Variants in STXBP4 observed in about 807,000 individuals in gnomAD.
The protein encoded by STXBP4 is syntaxin-binding protein 4.
A neutral mutation model predicts 76.1 loss-of-function variants in STXBP4; 55 were observed. The ratio of observed to expected loss-of-function variants is 0.72; its 90% CI spans 0.58 to 0.91. STXBP4 has a LOEUF of 0.91. Among genes scored for constraint, STXBP4 ranks in the 40% least tolerant of loss-of-function variants. The pLI, the probability that STXBP4 is intolerant of heterozygous loss-of-function variation, is 0.00. For synonymous variants in STXBP4, 201 were observed against 220.2 expected (o/e 0.91, Z 0.77); for missense variants, 618 against 636.9 (o/e 0.97, Z 0.32).
intron 8 of STXBP4, among the ~76,000 whole-genome samples, chr17:55,021,039 A>G (rs2078301913): frequency 6.6e-6 from 1 of 152,026 alleles, no homozygotes; most frequent in African/African-American, 2.4e-5. Context: ...GAGGAAAAAT[A>G]TTTTTTCTTC....
At chr17:55,146,233 A>T (rs933269604) in intron 17 of STXBP4, among the ~76,000 whole-genome samples, 1 of 152,208 alleles carries the variant, frequency 6.6e-6, no homozygotes, top group Non-Finnish European at 1.5e-5. Context: ...TATCATACTT[A>T]TATTAACTCT....
chr17:54,968,844 T>TA, intron 1 of STXBP4, 29 bp downstream of exon 1: 1 of 588,864 alleles, frequency 1.7e-6, no homozygotes, highest in African/African-American at 1.9e-5. Flanking sequence ...TTGTGACTGT[T>TA]ACTCCCACTT....
the STXBP4 span, among the ~76,000 whole-genome samples, chr17:55,209,356 C>T: frequency 6.6e-6 from 1 of 152,002 alleles, no homozygotes; most frequent in South Asian, 2.1e-4. Flanking sequence ...GTGCTAGAAC[C>T]AGGTCAGAGG....
At chr17:55,210,204 A>C in the STXBP4 span, among the ~76,000 whole-genome samples, 1 of 152,326 alleles carries the variant, frequency 6.6e-6, no homozygotes, top group Non-Finnish European at 1.5e-5. Context: ...TCACAGATAC[A>C]CCATATTATA....
At chr17:55,049,132 T>C (rs2078827518) in intron 12 of STXBP4, among the ~76,000 whole-genome samples, 1 of 151,940 alleles carries the variant, frequency 6.6e-6, no homozygotes, top group Admixed American at 6.6e-5. Context: ...AAAGAAAGTA[T>C]ACAAAAATGT....
chr17:55,099,385 T>C (rs1758259338), intron 16 of STXBP4, among the ~76,000 whole-genome samples: 1 of 152,226 alleles, frequency 6.6e-6, no homozygotes, highest in African/African-American at 2.4e-5. Flanking sequence ...AAATATCATA[T>C]TGTATTCAAA....
At chr17:55,120,925 A>G (rs532189739) in intron 16 of STXBP4, among the ~76,000 whole-genome samples, 1 of 152,150 alleles carries the variant, frequency 6.6e-6, no homozygotes, top group South Asian at 2.1e-4. Context: ...TGCACACAGA[A>G]GTGGTGCCAT....
intron 12 of STXBP4, among the ~76,000 whole-genome samples, chr17:55,051,271 C>A (rs749680936): frequency 9.2e-5 from 14 of 151,844 alleles, no homozygotes; most frequent in South Asian, 4.2e-4. Context: ...TGCAAGTGTA[C>A]TGAAGAAAAT....
chr17:55,006,861 CAACATCTTTG>C (rs531426138), intron 7 of STXBP4, among the ~76,000 whole-genome samples: 5 of 152,054 alleles, frequency 3.3e-5, no homozygotes, highest in Non-Finnish European at 4.4e-5. Flanking sequence ...GAAAAAATAC[CAACATCTTTG>C]AACAAAAAGA....
chr17:55,047,059 A>C, intron 11 of STXBP4, 30 bp from the exon 12 acceptor site: 1 of 1,378,286 alleles, frequency 7.3e-7, no homozygotes, highest in Non-Finnish European at 1.0e-6. Context: ...TTTCATAACA[A>C]GTTGTTAATT....
rs567039176 is a variant in STXBP4 at position 55,091,171 on chromosome 17, AT to A, written c.1489+9990del. 4.0e-3 allele frequency among the ~76,000 whole-genome samples: 614 copies of A among 152,306 alleles called. 1 individual carries two copies. Among genetic ancestry groups the A allele is most frequent in the Middle Eastern group, 0.024 (7 of 294 alleles). ...TATGAGCCATCTGGGCCTGCCACTA[AT>A]TAAAGTTGAAAGTAAACATTTCATC... is the stretch of plus-strand genomic sequence containing the variant. On this transcript the variant is annotated intron_variant, in intron 16 of 17. Transcript: ENST00000376352.
chr17:55,056,377 A>T (rs1243699808), intron 12 of STXBP4, among the ~76,000 whole-genome samples: 1 of 152,162 alleles, frequency 6.6e-6, no homozygotes, highest in African/African-American at 2.4e-5. Flanking sequence ...CTGTGCTTAG[A>T]TTTAATAAAA....
chr17:55,064,527 C>T (rs1203165644), intron 12 of STXBP4, among the ~76,000 whole-genome samples: 1 of 152,192 alleles, frequency 6.6e-6, no homozygotes, highest in African/African-American at 2.4e-5. Flanking sequence ...TGGAGTCTTG[C>T]TCTGTCGCCC....
intron 12 of STXBP4, among the ~76,000 whole-genome samples, chr17:55,053,328 G>T (rs1271401128): frequency 6.6e-6 from 1 of 151,886 alleles, no homozygotes; most frequent in Non-Finnish European, 1.5e-5. Context: ...CCCTCAGATG[G>T]TTAAAAAAGT....
At chr17:55,212,219 A>G in the STXBP4 span, among the ~76,000 whole-genome samples, 1 of 152,064 alleles carries the variant, frequency 6.6e-6, no homozygotes, top group Non-Finnish European at 1.5e-5. Context: ...GACCCTGGGC[A>G]AATTACTTGA....
chr17:55,127,249 T>C (rs1050937177), intron 16 of STXBP4, among the ~76,000 whole-genome samples: 2 of 152,246 alleles, frequency 1.3e-5, no homozygotes, highest in African/African-American at 4.8e-5. Context: ...TTCTAGCTTC[T>C]TCCACTCAGT....
intron 15 of STXBP4, among the ~76,000 whole-genome samples, chr17:55,080,450 T>G (rs113954083): frequency 6.6e-6 from 1 of 152,188 alleles, no homozygotes; most frequent in African/African-American, 2.4e-5. Flanking sequence ...TTTAAATTTT[T>G]TTTTCAAGTA....
intron 1 of STXBP4, among the ~76,000 whole-genome samples, chr17:54,972,626 T>C (rs6504948): frequency 0.28 from 42,695 of 152,128 alleles, 6,252 homozygotes; most frequent in African/African-American, 0.35. Context: ...GTGCCATGCT[T>C]ATCTTGTATT....
At chr17:55,006,152 T>G (rs2078004799) in intron 7 of STXBP4, among the ~76,000 whole-genome samples, 2 of 152,160 alleles carry the variant, frequency 1.3e-5, no homozygotes, top group Admixed American at 1.3e-4. Context: ...AAAATCAGTC[T>G]TTTTCAAAGT....
Sources: allele counts gnomAD v4.1 joint callset (sites outside exome capture counted in the v4.1 genomes callset), GRCh38; gene constraint gnomAD v4.1.1; transcripts MANE v1.5; gene names NCBI Gene and HGNC (gene_info 2026-07-23, HGNC 2026-07-21).